The following XPO6 variants were observed in gnomAD, a reference collection of about 807,000 sequenced individuals.
XPO6 encodes exportin-6.
Under a neutral mutation model 130.0 loss-of-function variants are expected in XPO6, and 3 were observed. The observed-to-expected ratio is 0.02, with a 90% confidence interval of 0.01 to 0.06. The LOEUF is 0.06. Ranked by LOEUF, XPO6 falls within the 10% of genes least tolerant of loss-of-function variation. The probability of loss-of-function intolerance (pLI) is 1.00; values close to 1 mark genes in which losing one functional copy is unlikely to be tolerated. For synonymous variants in XPO6, 524 were observed against 548.9 expected, an observed-to-expected ratio of 0.95 and a Z score of 0.63; for missense variants, 970 against 1,393.0, an observed-to-expected ratio of 0.70 and a Z score of 4.83.
intron 4 of XPO6, 136 bp downstream of exon 4, chr16:28,175,762 C>T (rs1311196040): frequency 1.6e-5 from 11 of 696,538 alleles, no homozygotes; most frequent in East Asian, 5.4e-5. Flanking sequence ...AAAGTGAATG[C>T]GATAATCAGT....
At chr16:28,175,310 C>G (rs927638228) in intron 4 of XPO6, among the ~76,000 whole-genome samples, 1 of 152,118 alleles carries the variant, frequency 6.6e-6, no homozygotes, top group African/African-American at 2.4e-5. Flanking sequence ...AGCCATCATT[C>G]CACCATAAAC....
At chr16:28,200,682 AG>A in intron 1 of XPO6, among the ~76,000 whole-genome samples, 1 of 152,192 alleles carries the variant, frequency 6.6e-6, no homozygotes, top group African/African-American at 2.4e-5. Flanking sequence ...TCAACTCACT[AG>A]GTAATTCTGA....
chr16:28,134,957 C>T (rs185715456), intron 10 of XPO6, among the ~76,000 whole-genome samples: 12 of 152,226 alleles, frequency 7.9e-5, no homozygotes, highest in Admixed American at 5.9e-4. Context: ...CTCACTAAAC[C>T]GTTTTTCATT....
At chr16:28,113,450 C>T (rs1195407066) in intron 15 of XPO6, among the ~76,000 whole-genome samples, 2 of 152,188 alleles carry the variant, frequency 1.3e-5, no homozygotes, top group Admixed American at 1.3e-4. Context: ...TCTTCTGTGC[C>T]TTAACACTCA....
chr16:28,151,620 C>T (rs2043091500), intron 8 of XPO6, among the ~76,000 whole-genome samples: 1 of 152,210 alleles, frequency 6.6e-6, no homozygotes, highest in Non-Finnish European at 1.5e-5. Flanking sequence ...CAATGTACTT[C>T]TTGACTTAGG....
In XPO6 at chr16:28,110,741, G is replaced by A. The variant is rs142541830; in HGVS notation, c.2341+1076C>T. Among the ~76,000 whole-genome samples the A allele has an allele frequency of 3.9e-5, 6 of 152,298 alleles. No homozygotes were observed. The East Asian group carries it at 1.2e-3, about 29-fold the overall frequency. ...CATCAATCAAGATCCTAACAGTACC[G>A]AACTCATAAGGCTAATGTAAGAACT... On this transcript the variant is annotated intron_variant, in intron 17 of 23. Transcript: ENST00000304658.
chr16:28,121,730 A>G lies in XPO6; in HGVS notation c.1799T>C (p.Ile600Thr), dbSNP rs747723765. The change falls in exon 14 of 24, where the codon ATA (isoleucine) becomes ACA (threonine). Residue 600 changes from isoleucine (I) to threonine (T), a missense_variant. Physicochemically the swap from Ile to Thr is moderately conservative, Grantham distance 89 (BLOSUM62 -1). Transcript: ENST00000304658. ...LVKVTLYGSQ[I>T]KLYNIETAVP... Reference sequence around the variant, plus strand: ...AGCAGTTTCAATGTTGTACAATTTTATCTGAGATCCGTACAGAGTGACTTT... The same window carrying G: ...AGCAGTTTCAATGTTGTACAATTTTGTCTGAGATCCGTACAGAGTGACTTT... The G allele has an allele frequency of 4.3e-6, 7 of 1,613,996 alleles. No individual in the cohort carries two copies. In the South Asian group the frequency reaches 6.6e-5, roughly 15 times the overall value.
chr16:28,156,381 C>T lies in XPO6; in HGVS notation c.790G>A (p.Ala264Thr). ...GTAAGGAGGGATGGGGTGATGCTGG[C>T]AGACAGAGGAATCCAACTGAAGAGA... is the stretch of plus-strand genomic sequence containing the variant. ...AHLFSWIPLS[A>T]SITPSLLTTI... The change falls in exon 7 of 24, where the codon GCC becomes ACC. Residue 264 changes from alanine (A) to threonine (T), a missense_variant. Ala to Thr is a moderately conservative substitution (Grantham distance 58). Around this residue, in one of 4 missense-constraint regions of XPO6, gnomAD observed 936 missense variants for 1,306.8 expected, o/e 0.72. Transcript: ENST00000304658. 6.2e-7 allele frequency: 1 copy of T among 1,614,040 alleles called. No homozygotes were observed. Among genetic ancestry groups the T allele is most frequent in the Non-Finnish European group, 8.5e-7 (1 of 1,180,016 alleles).
Position 28,170,674 on chromosome 16 carries a change from G to A in XPO6, c.406-765C>T, listed in dbSNP as rs149473718. On this transcript the variant is annotated intron_variant, in intron 4 of 23. Coordinates refer to ENST00000304658, the MANE Select transcript of XPO6 (RefSeq NM_015171.4). ...ACACTTCTAAACTTTGCATGCTTCA[G>A]AAAAGTTCATGATTAAATATAGCAG... Among the ~76,000 whole-genome samples, 273 of 152,278 alleles carry A rather than the reference G, an allele frequency of 1.8e-3. 2 individuals carry two copies. Among genetic ancestry groups the A allele is most frequent in the African/African-American group, 5.8e-3 (240 of 41,556 alleles).
intron 9 of XPO6, among the ~76,000 whole-genome samples, chr16:28,136,450 C>T (rs1442879400): frequency 6.6e-6 from 1 of 152,176 alleles, no homozygotes; most frequent in Admixed American, 6.5e-5. Flanking sequence ...GAAATCCCGA[C>T]CTCAGATGAT....
rs745608771 is a variant in XPO6 at position 28,101,688 on chromosome 16, T to C, written c.3046A>G (p.Lys1016Glu). The C allele has an allele frequency of 6.2e-6, 10 of 1,605,138 alleles. No individual in the cohort carries two copies. The highest frequency in any genetic ancestry group is 8.5e-6 in the Non-Finnish European group (10 of 1,173,084). ...LNTKQKLYHK[K>E]IFRTAMLFQF... Reference sequence around the variant, plus strand: ...AACAGCATGGCAGTCCGGAAGATCTTCTGCAGGCAGAGAGACCAGGTGAGC... The same window carrying C: ...AACAGCATGGCAGTCCGGAAGATCTCCTGCAGGCAGAGAGACCAGGTGAGC... The change falls in exon 23 of 24, where the codon AAG becomes GAG. Residue 1016 changes from lysine to glutamate, a missense_variant and splice_region_variant. By Grantham distance (56) the Lys-to-Glu change is moderately conservative (BLOSUM62 1). Coordinates refer to ENST00000304658, the MANE Select transcript of XPO6 (RefSeq NM_015171.4). This position sits in a 1 kb window ranked among gnomAD's most constrained non-coding sequence, Gnocchi z 5.4.
At chr16:28,158,916 A>G (rs773818795) in intron 6 of XPO6, among the ~76,000 whole-genome samples, 3 of 152,182 alleles carry the variant, frequency 2.0e-5, no homozygotes, top group Non-Finnish European at 4.4e-5. Flanking sequence ...AGAGAAGACA[A>G]AAGAAGAAAA....
rs74014256 is a variant in XPO6, at chr16:28,190,219, C to A, written c.4-9188G>T. On this transcript the variant is annotated intron_variant, in intron 1 of 23. Transcript: ENST00000304658. ...AATGGAGAGGTGCACCAGTTTCTTT[C>A]TTTATTTTTTTTTTTTTTTGAGACT... 6.9e-3 allele frequency among the ~76,000 whole-genome samples: 1,005 copies of A among 145,770 alleles called. 7 individuals carry two copies. The highest frequency in any genetic ancestry group is 0.024 in the African/African-American group (917 of 38,162).
intron 1 of XPO6, among the ~76,000 whole-genome samples, chr16:28,184,625 T>G (rs1459067077): frequency 2.0e-5 from 3 of 150,760 alleles, no homozygotes; most frequent in African/African-American, 7.3e-5. Flanking sequence ...GACAAAGGAC[T>G]TCAATTTTTT....
chr16:28,161,952 TA>T (rs1596909294), intron 6 of XPO6, among the ~76,000 whole-genome samples: 1 of 152,180 alleles, frequency 6.6e-6, no homozygotes, highest in Non-Finnish European at 1.5e-5. Flanking sequence ...TCCTCTGTAT[TA>T]AAGTGAAAAA....
chr16:28,135,367 G>T, intron 9 of XPO6, 43 bp from the exon 10 acceptor site: 2 of 1,559,114 alleles, frequency 1.3e-6, no homozygotes, highest in Non-Finnish European at 1.8e-6. Context: ...GAGGCTTTCA[G>T]CTTAGAATTT....
At position 28,156,222 on chromosome 16, in the gene XPO6, T is replaced by C. The variant is rs758264198; in HGVS notation, c.949A>G (p.Asn317Asp). 1.2e-6 allele frequency: 2 copies of C among 1,614,152 alleles called. No homozygotes were observed. The highest frequency in any genetic ancestry group is 2.2e-5 in the East Asian group (1 of 44,878). The change falls in exon 7 of 24, where the codon AAT becomes GAT. Residue 317 changes from asparagine (N) to aspartate (D), a missense_variant. By Grantham distance (23) the Asn-to-Asp change is conservative. This residue lies in a region of XPO6 where 936 missense variants were observed against 1,306.8 expected (regional missense o/e 0.72). Transcript: ENST00000304658. ...RLGVLAMSCI[N>D]ELMSKNCVPM... is the part of the protein sequence containing the mutation. ...ACACAGTTCTTGGACATGAGTTCAT[T>C]GATGCAGGACATGGCCAGGACCCCC... is the stretch of plus-strand genomic sequence containing the variant.
At chr16:28,190,223 ATTT>A (rs753474910) in intron 1 of XPO6, among the ~76,000 whole-genome samples, 3 of 136,108 alleles carry the variant, frequency 2.2e-5, no homozygotes, top group Admixed American at 7.6e-5. Flanking sequence ...TTCTTTCTTT[ATTT>A]TTTTTTTTTT....
intron 4 of XPO6, among the ~76,000 whole-genome samples, chr16:28,172,170 T>A (rs904317783): frequency 6.6e-6 from 1 of 152,234 alleles, no homozygotes; most frequent in South Asian, 2.1e-4. Context: ...TATTCTTTAC[T>A]TGAAAAAGAG....
Sources: gnomAD v4.1 joint callset for allele counts (sites outside exome capture counted in the v4.1 genomes callset) on GRCh38, gnomAD v4.1.1 for gene constraint, gnomAD v4.1.1 regional missense constraint, Gnocchi (gnomAD v3.1) non-coding constraint, MANE v1.5 for transcripts, NCBI Gene and HGNC (gene_info 2026-07-23, HGNC 2026-07-21) for gene names.